ACAD9: variants seen among roughly 807,000 people sequenced by gnomAD.
ACAD9 encodes the protein acyl-CoA dehydrogenase family member 9.
A neutral mutation model predicts 70.2 loss-of-function variants in ACAD9; 53 were observed. The ratio of observed to expected loss-of-function variants is 0.75; its 90% CI spans 0.61 to 0.95. ACAD9 has a LOEUF of 0.95. Ranked by LOEUF, ACAD9 falls within the 40% of genes least tolerant of loss-of-function variation. The pLI is 0.00. For synonymous variants in ACAD9, 313 were observed against 312.1 expected, an observed-to-expected ratio of 1.00 and a Z score of -0.03; for missense variants, 777 against 802.8, an observed-to-expected ratio of 0.97 and a Z score of 0.39.
chr3:128,906,808 G>A (rs1935905759), intron 12 of ACAD9, among the ~76,000 whole-genome samples: 1 of 152,168 alleles, frequency 6.6e-6, no homozygotes, highest in Admixed American at 6.5e-5. Flanking sequence ...AGTGGGTTTG[G>A]GGGTGTTGAA....
In ACAD9 at chr3:128,893,572, G is replaced by A. The variant is rs1221474322; in HGVS notation, c.262G>A (p.Asp88Asn). Residue 88 changes from aspartate to asparagine, a missense_variant, in exon 3 of 18, where the codon GAC (aspartate) becomes AAC (asparagine). Coordinates refer to ENST00000308982, the MANE Select transcript of ACAD9 (RefSeq NM_014049.5). ...FTEEVDSRKIDQEGKIPDETL... is the reference protein window; with the variant it reads ...FTEEVDSRKINQEGKIPDETL... The stretch of plus-strand genomic sequence containing the variant: ...CTTGGCAGTGGACTCCCGAAAAATT[G>A]ACCAGGAAGGGAAAATCCCAGATGA... 2 of 1,613,962 alleles carry A rather than the reference G, an allele frequency of 1.2e-6. No homozygotes were observed. Among genetic ancestry groups the A allele is most frequent in the Non-Finnish European group, 1.7e-6 (2 of 1,179,992 alleles).
intron 2 of ACAD9, among the ~76,000 whole-genome samples, chr3:128,887,644 A>ATATATATACATATAT (rs1935291126): frequency 9.0e-5 from 12 of 133,106 alleles, no homozygotes; most frequent in African/African-American, 3.5e-4. Context: ...AAAATAAATA[A>ATATATATACATATAT]ATATATATAT....
intron 1 of ACAD9, among the ~76,000 whole-genome samples, chr3:128,880,720 A>G (rs953498157): frequency 7.9e-5 from 12 of 152,100 alleles, no homozygotes; most frequent in Admixed American, 5.9e-4. Flanking sequence ...AAATGGAGAT[A>G]GTGTTGTGTC....
At chr3:128,887,644 A>AATATATATATATAT (rs71153150) in intron 2 of ACAD9, among the ~76,000 whole-genome samples, 42 of 133,098 alleles carry the variant, frequency 3.2e-4, no homozygotes, top group Admixed American at 5.2e-4. Flanking sequence ...AAAATAAATA[A>AATATATATATATAT]ATATATATAT....
At chr3:128,889,705 T>C (rs373207160) in intron 2 of ACAD9, among the ~76,000 whole-genome samples, 8 of 152,374 alleles carry the variant, frequency 5.3e-5, no homozygotes, top group African/African-American at 1.9e-4. Context: ...TGCTGAGTCA[T>C]ATTTCTTTCT....
chr3:128,880,638 C>T (rs745336004), intron 1 of ACAD9, among the ~76,000 whole-genome samples: 4 of 152,072 alleles, frequency 2.6e-5, no homozygotes, highest in East Asian at 1.9e-4. Context: ...CCGCCCACCT[C>T]GGCCTCCCAC....
Position 128,902,197 on chromosome 3 carries a change from C to T in ACAD9, c.883-356C>T, listed in dbSNP as rs7639482. 0.048 allele frequency among the ~76,000 whole-genome samples: 7,264 copies of T among 152,260 alleles called. 357 individuals are homozygous for T. Among genetic ancestry groups the T allele is most frequent in the African/African-American group, 0.12 (4,861 of 41,520 alleles). ...ATGTCAAGTTTTAATGTGGAAATAA[C>T]GTTTTCAGGTATTTTGATTTATGCC... On this transcript the variant is annotated intron_variant, in intron 8 of 17. Coordinates refer to ENST00000308982, the MANE Select transcript of ACAD9 (RefSeq NM_014049.5). This position sits in a 1 kb window ranked among gnomAD's most constrained non-coding sequence, Gnocchi z 4.0.
intron 2 of ACAD9, among the ~76,000 whole-genome samples, chr3:128,885,639 C>T (rs1935223113): frequency 6.6e-6 from 1 of 152,190 alleles, no homozygotes; most frequent in Admixed American, 6.5e-5. Context: ...GTGATCCTCC[C>T]ACCTTGGCCT....
Position 128,895,170 on chromosome 3 carries a change from C to G in ACAD9, c.347-140C>G, listed in dbSNP as rs201947199. 287 of 730,882 alleles carry G rather than the reference C, an allele frequency of 3.9e-4. 4 individuals are homozygous for G. The East Asian group carries it at 7.1e-3, about 18-fold the overall frequency. The allele number at this position is 730,882 out of a possible 1,614,324, so 45.3% of individuals were successfully genotyped here. ...GGGATTACAGGTGTGAGCCACCATG[C>G]CCGGCCTGTATTGTGATTTTTTTTT... On this transcript the variant is annotated intron_variant, in intron 3 of 17. Transcript: ENST00000308982.
At chr3:128,908,336 G>T in intron 13 of ACAD9, 72 bp downstream of exon 13, 1 of 1,559,386 alleles carries the variant, frequency 6.4e-7, no homozygotes. Context: ...AGGGCAGTGG[G>T]AGGAAAGAGC....
intron 3 of ACAD9, among the ~76,000 whole-genome samples, chr3:128,894,803 G>A (rs1421509276): frequency 1.3e-5 from 2 of 151,934 alleles, no homozygotes; most frequent in Non-Finnish European, 2.9e-5. Flanking sequence ...CCAAAGCGCC[G>A]GGATTACAGG....
chr3:128,912,248 G>A (rs966485660), intron 17 of ACAD9, among the ~76,000 whole-genome samples: 4 of 152,194 alleles, frequency 2.6e-5, no homozygotes, highest in African/African-American at 4.8e-5. Context: ...GCTGTTTACG[G>A]AGCAAGTGCC....
chr3:128,895,197 TA>T, intron 3 of ACAD9, 112 bp from the exon 4 acceptor site: 1 of 839,432 alleles, frequency 1.2e-6, no homozygotes. Flanking sequence ...TTTTTTTTTT[TA>T]ATATGGTGAT....
rs140225132 is a variant in ACAD9 at position 128,895,395 on chromosome 3, G to A, written c.432G>A (p.Ala144=). 193 of 1,610,454 alleles carry A rather than the reference G, an allele frequency of 1.2e-4. No homozygotes were observed. In the African/African-American group the frequency reaches 1.8e-3, roughly 15 times the overall value. ...GGTCCATCACTGTGACCCTGGCAGC[G>A]CACCAGGCTATTGGCCTCAAGGTCA... The part of the protein sequence containing the change: ...MDGSITVTLA[A]HQAIGLKGII... The change falls in exon 4 of 18, where the codon GCG becomes GCA. Residue 144 remains alanine, a synonymous_variant. Coordinates refer to ENST00000308982, the MANE Select transcript of ACAD9 (RefSeq NM_014049.5).
At chr3:128,904,586 T>C in intron 11 of ACAD9, 81 bp downstream of exon 11, 2 of 1,551,722 alleles carry the variant, frequency 1.3e-6, no homozygotes, top group East Asian at 2.4e-5. Context: ...AAGCCCATGC[T>C]GTTGCCTGTC....
At chr3:128,883,831 G>A (rs1220082017) in intron 1 of ACAD9, among the ~76,000 whole-genome samples, 1 of 152,154 alleles carries the variant, frequency 6.6e-6, no homozygotes, top group South Asian at 2.1e-4. Context: ...AAATCTGTTG[G>A]CTGATTAGCT....
Position 128,912,987 on chromosome 3 carries a change from C to A in ACAD9, c.*380C>A. On this transcript the variant is annotated 3_prime_UTR_variant, in exon 18 of 18. Transcript: ENST00000308982. The stretch of plus-strand genomic sequence containing the variant: ...GGATAGCCATTTCTGCTCAACCACA[C>A]ATTCTCTAAGAAACAGCTTGAAAGC... The A allele has an allele frequency of 2.1e-6, 1 of 467,408 alleles. No homozygotes were observed. Among genetic ancestry groups the A allele is most frequent in the East Asian group, 6.6e-5 (1 of 15,114 alleles). The allele number at this position is 467,408 out of a possible 1,614,324, so 29.0% of individuals were successfully genotyped here.
In ACAD9 at chr3:128,904,581, C is replaced by T. The variant is rs190101630; in HGVS notation, c.1149+76C>T. The T allele has an allele frequency of 3.1e-3, 4,751 of 1,557,138 alleles. 15 individuals carry two copies. The highest frequency in any genetic ancestry group is 3.8e-3 in the Non-Finnish European group (4,443 of 1,154,362). On this transcript the variant is annotated intron_variant, in intron 11 of 17. Coordinates refer to ENST00000308982, the MANE Select transcript of ACAD9 (RefSeq NM_014049.5). ...CTCCCTCACTGTGACCTTTCAAGCC[C>T]ATGCTGTTGCCTGTCATCTTCCTCC...
At position 128,879,646 on chromosome 3, in the gene ACAD9, G is replaced by T. The variant is rs552651692; in HGVS notation, c.-46G>T. ...TCAGACGTGTGTGTGTCCCTGCGGC[G>T]CTAAGAAGGGGAGACTGAGGCTGAG... On this transcript the variant is annotated 5_prime_UTR_variant, in exon 1 of 18. Transcript: ENST00000308982. 1.3e-6 allele frequency: 2 copies of T among 1,594,166 alleles called. No homozygotes were observed. The highest frequency in any genetic ancestry group is 1.1e-5 in the South Asian group (1 of 88,358).
Sources: gnomAD v4.1 joint callset for allele counts (sites outside exome capture counted in the v4.1 genomes callset) on GRCh38, gnomAD v4.1.1 for gene constraint, Gnocchi (gnomAD v3.1) non-coding constraint, MANE v1.5 for transcripts, NCBI Gene and HGNC (gene_info 2026-07-23, HGNC 2026-07-21) for gene names.